GMPS: variants seen among roughly 807,000 people sequenced by gnomAD.
The protein encoded by GMPS is GMP synthase [glutamine-hydrolyzing].
Under a neutral mutation model 77.9 loss-of-function variants are expected in GMPS, and 15 were observed. That is an observed-to-expected ratio of 0.19 (90% CI 0.13 to 0.30). The LOEUF (loss-of-function observed/expected upper bound fraction) is 0.30. GMPS is among the 10% of genes least tolerant of loss of function. The pLI is 1.00. For synonymous variants in GMPS, 224 were observed against 275.9 expected (o/e 0.81, Z 1.86); for missense variants, 590 against 838.8 (o/e 0.70, Z 3.66).
chr3:155,870,325 C>T (rs535302978), upstream of GMPS, among the ~76,000 whole-genome samples: 1 of 152,334 alleles, frequency 6.6e-6, no homozygotes, highest in East Asian at 1.9e-4. Flanking sequence ...CCGGCAGCAG[C>T]AAACTAGCTC....
intron 2 of GMPS, among the ~76,000 whole-genome samples, chr3:155,894,697 T>C (rs1245622684): frequency 6.6e-6 from 1 of 152,232 alleles, no homozygotes; most frequent in Non-Finnish European, 1.5e-5. Flanking sequence ...AAGAATTGTC[T>C]TTCCAGTGTG....
At chr3:155,872,073 G>C (rs1367403325) in intron 1 of GMPS, among the ~76,000 whole-genome samples, 1 of 152,128 alleles carries the variant, frequency 6.6e-6, no homozygotes, top group Non-Finnish European at 1.5e-5. Context: ...ATTTCATTCG[G>C]GGGGTGGGAT....
In GMPS at chr3:155,935,025, C is replaced by G; in HGVS notation, c.1786C>G (p.His596Asp). The change falls in exon 14 of 16, where the codon CAT becomes GAT. Residue 596 changes from histidine (H) to aspartate (D), a missense_variant. Around this residue, in one of 6 missense-constraint regions of GMPS, gnomAD observed 73 missense variants for 170.5 expected, o/e 0.43. Coordinates refer to ENST00000496455, the MANE Select transcript of GMPS (RefSeq NM_003875.3). ...STLRQADFEA[H>D]NILRESGYAG... is the part of the protein sequence containing the mutation. ...TTTACGCCAAGCTGATTTTGAGGCC[C>G]ATAACATTCTCAGGGAGTCTGGTAA... 1 of 1,609,252 alleles carries G rather than the reference C, an allele frequency of 6.2e-7. No individual in the cohort carries two copies. The highest frequency in any genetic ancestry group is 8.5e-7 in the Non-Finnish European group (1 of 1,175,606).
At chr3:155,872,954 C>A (rs1424124330) in intron 1 of GMPS, among the ~76,000 whole-genome samples, 2 of 152,094 alleles carry the variant, frequency 1.3e-5, no homozygotes, top group East Asian at 3.9e-4. Context: ...TGGGGAAATA[C>A]CTTATATCAC....
chr3:155,939,269 T>G lies in GMPS; in HGVS notation c.*1577T>G, dbSNP rs1032176347. 4.6e-6 allele frequency: 1 copy of G among 217,938 alleles called. No individual in the cohort carries two copies. The highest frequency in any genetic ancestry group is 2.2e-5 in the African/African-American group (1 of 44,514). 13.5% of individuals were successfully genotyped at this position (217,938 alleles called of 1,614,324 possible). ...ATGTTAGTGATCTGGTCTTTACAGA[T>G]TTAGAGTCATGTTATTTGAAAGCTA... On this transcript the variant is annotated 3_prime_UTR_variant, in exon 16 of 16. Coordinates refer to ENST00000496455, the MANE Select transcript of GMPS (RefSeq NM_003875.3).
intron 13 of GMPS, among the ~76,000 whole-genome samples, chr3:155,932,938 T>C (rs1755662938): frequency 6.6e-6 from 1 of 152,226 alleles, no homozygotes; most frequent in Non-Finnish European, 1.5e-5. Flanking sequence ...ACGCCTGTAA[T>C]CCCACCACTT....
At chr3:155,875,705 G>A (rs1054741462) in intron 1 of GMPS, among the ~76,000 whole-genome samples, 3 of 152,172 alleles carry the variant, frequency 2.0e-5, no homozygotes, top group Admixed American at 6.5e-5. Context: ...TCTGGGTTGC[G>A]TAGAATATTA....
At position 155,910,965 on chromosome 3, in the gene GMPS, C is replaced by G. The variant is rs1041452031; in HGVS notation, c.720+80C>G. 5 of 1,102,434 alleles carry G rather than the reference C, an allele frequency of 4.5e-6. No homozygotes were observed. In the African/African-American group the frequency reaches 7.9e-5, roughly 17 times the overall value. 68.3% of individuals were successfully genotyped at this position (1,102,434 alleles called of 1,614,324 possible). On this transcript the variant is annotated intron_variant, in intron 6 of 15. Coordinates refer to ENST00000496455, the MANE Select transcript of GMPS (RefSeq NM_003875.3). Reference sequence around the variant, plus strand: ...CAGGAGTTAGAGTCCTCAACACAGCCCTTAAATGTTCTACAGTTTTAGAGT... The same window carrying G: ...CAGGAGTTAGAGTCCTCAACACAGCGCTTAAATGTTCTACAGTTTTAGAGT...
At chr3:155,926,971 G>A (rs924045799) in intron 12 of GMPS, among the ~76,000 whole-genome samples, 2 of 151,214 alleles carry the variant, frequency 1.3e-5, no homozygotes, top group African/African-American at 2.4e-5. Flanking sequence ...CCAAGATTGC[G>A]CCATTGCACT....
rs1412159084 is a variant in GMPS, at chr3:155,941,088, G to C, written c.*3396G>C. The C allele has an allele frequency of 1.6e-5, 3 of 186,324 alleles. No homozygotes were observed. Among genetic ancestry groups the C allele is most frequent in the East Asian group, 1.7e-4 (2 of 11,632 alleles). 11.5% of individuals were successfully genotyped at this position (186,324 alleles called of 1,614,324 possible). A position where few individuals can be genotyped will look rare whatever the true frequency, so the allele number is the denominator to read the frequency against. On this transcript the variant is annotated 3_prime_UTR_variant, in exon 16 of 16. Coordinates refer to ENST00000496455, the MANE Select transcript of GMPS (RefSeq NM_003875.3). Reference sequence around the variant, plus strand: ...TCTGCATGGAAGAGGAAATGCTCTAGGGCCCTTCAGGGCAAATCTTAAAAG... The same window carrying C: ...TCTGCATGGAAGAGGAAATGCTCTACGGCCCTTCAGGGCAAATCTTAAAAG...
intron 1 of GMPS, among the ~76,000 whole-genome samples, chr3:155,879,952 GTTT>G (rs61425510): frequency 1.4e-5 from 2 of 147,362 alleles, no homozygotes; most frequent in African/African-American, 2.5e-5. Flanking sequence ...AGTTTTAAGA[GTTT>G]TTTTTTTTTA....
intron 1 of GMPS, among the ~76,000 whole-genome samples, chr3:155,877,864 C>T (rs934837643): frequency 6.7e-6 from 1 of 149,946 alleles, no homozygotes; most frequent in Non-Finnish European, 1.5e-5. Flanking sequence ...TCACTGCAAC[C>T]TCCACCTCCT....
At chr3:155,898,537 C>T (rs1452762277) in intron 3 of GMPS, among the ~76,000 whole-genome samples, 2 of 152,238 alleles carry the variant, frequency 1.3e-5, no homozygotes, top group Non-Finnish European at 2.9e-5. Context: ...CAGTTTGTCT[C>T]ATTAATATCC....
chr3:155,914,556 G>T lies in GMPS; in HGVS notation c.1024G>T (p.Asp342Tyr), dbSNP rs563397139. The change falls in exon 8 of 16, where the codon GAT becomes TAT. Residue 342 changes from aspartate (D) to tyrosine (Y), a missense_variant. Coordinates refer to ENST00000496455, the MANE Select transcript of GMPS (RefSeq NM_003875.3). ...TGAAGAGAAAAGAAAAATCATTGGG[G>T]ATACTTTTGTTAAGGTACCTTTGTT... is the stretch of plus-strand genomic sequence containing the variant. Reference protein sequence around the residue: ...SPEEKRKIIGDTFVKIANEVI... With the variant: ...SPEEKRKIIGYTFVKIANEVI... 9 of 1,577,526 alleles carry T rather than the reference G, an allele frequency of 5.7e-6. No homozygotes were observed. The highest frequency in any genetic ancestry group is 7.7e-6 in the Non-Finnish European group (9 of 1,166,122).
rs367991881 is a variant in GMPS at position 155,908,053 on chromosome 3, G to C, written c.526+1790G>C. On this transcript the variant is annotated intron_variant, in intron 5 of 15. Coordinates refer to ENST00000496455, the MANE Select transcript of GMPS (RefSeq NM_003875.3). ...GTGAGGTGGGGTTTTAAGTGAAGGA[G>C]AGATGTGATCTAATTTAAGGATTAA... is the stretch of plus-strand genomic sequence containing the variant. 7.2e-5 allele frequency among the ~76,000 whole-genome samples: 11 copies of C among 152,348 alleles called. No individual in the cohort carries two copies. In the East Asian group the frequency reaches 1.3e-3, roughly 19 times the overall value.
chr3:155,876,553 C>A (rs974240911), intron 1 of GMPS, among the ~76,000 whole-genome samples: 3 of 152,140 alleles, frequency 2.0e-5, no homozygotes, highest in African/African-American at 7.2e-5. Context: ...GGCAGTTATT[C>A]ATAGTATGTT....
At chr3:155,906,135 T>C (rs1754875734) in intron 4 of GMPS, 25 bp from the exon 5 acceptor site, 1 of 1,280,500 alleles carries the variant, frequency 7.8e-7, no homozygotes, top group South Asian at 1.4e-5. Flanking sequence ...AAGATATTTG[T>C]GTGTTTTATT....
intron 11 of GMPS, among the ~76,000 whole-genome samples, chr3:155,924,706 A>G (rs1755406975): frequency 6.6e-6 from 1 of 152,190 alleles, no homozygotes; most frequent in South Asian, 2.1e-4. Context: ...GATAACCTAT[A>G]ATTAATTAAA....
intron 2 of GMPS, among the ~76,000 whole-genome samples, chr3:155,894,525 G>GT (rs1560040665): frequency 6.6e-6 from 1 of 152,014 alleles, no homozygotes; most frequent in African/African-American, 2.4e-5. Context: ...TGCCCGGCCA[G>GT]TGTCATGCTT....
Sources: gnomAD v4.1 joint callset for allele counts (sites outside exome capture counted in the v4.1 genomes callset) on GRCh38, gnomAD v4.1.1 for gene constraint, gnomAD v4.1.1 regional missense constraint, MANE v1.5 for transcripts, NCBI Gene and HGNC (gene_info 2026-07-23, HGNC 2026-07-21) for gene names.